The following CEMIP2 variants were observed in gnomAD, a reference collection of about 807,000 sequenced individuals.
CEMIP2 encodes the protein cell surface hyaluronidase CEMIP2.
In CEMIP2, 79 loss-of-function variants were observed where a neutral mutation model predicts 146.9. That is an observed-to-expected ratio of 0.54 (90% CI 0.45 to 0.65). CEMIP2 has a LOEUF of 0.65. CEMIP2 is among the 30% of genes least tolerant of loss of function. CEMIP2 has a pLI of 0.00. For missense variants in CEMIP2, 1,596 were observed against 1,696.2 expected, an observed-to-expected ratio of 0.94 and a Z score of 1.04; for synonymous variants, 601 against 606.3, an observed-to-expected ratio of 0.99 and a Z score of 0.13.
At chr9:71,753,028 CA>C (rs2132025710) in intron 1 of CEMIP2, among the ~76,000 whole-genome samples, 1 of 18,474 alleles carries the variant, frequency 5.4e-5, no homozygotes, top group African/African-American at 2.4e-4. Context: ...CTGCATGTGC[CA>C]AGCAGCAGAC....
chr9:71,692,336 A>T (rs1046948787), intron 21 of CEMIP2, among the ~76,000 whole-genome samples: 1 of 44,278 alleles, frequency 2.3e-5, no homozygotes, highest in African/African-American at 1.2e-4. Flanking sequence ...CGCTCTCCCC[A>T]TCTCTCTCTC....
chr9:71,722,493 C>A lies in CEMIP2; in HGVS notation c.2201G>T (p.Gly734Val). 6.2e-7 allele frequency: 1 copy of A among 1,613,282 alleles called. No individual in the cohort carries two copies. The highest frequency in any genetic ancestry group is 1.1e-5 in the South Asian group (1 of 91,000). The change falls in exon 12 of 24, where the codon GGT (glycine) becomes GTT (valine). Residue 734 changes from glycine to valine, a missense_variant. Coordinates refer to ENST00000377044, the MANE Select transcript of CEMIP2 (RefSeq NM_013390.3). ...AGCACTAGAGTTGGTTGTTTTGACACCTTTGTCAATAAATAAGCCAGCCTG... is the reference window on the plus strand; with the variant it reads ...AGCACTAGAGTTGGTTGTTTTGACAACTTTGTCAATAAATAAGCCAGCCTG... ...NFKAGLFIDKGVKTTNSSAAD... is the reference protein window; with the variant it reads ...NFKAGLFIDKVVKTTNSSAAD...
chr9:71,731,154 A>C (rs1823605302), intron 7 of CEMIP2, among the ~76,000 whole-genome samples: 1 of 152,224 alleles, frequency 6.6e-6, no homozygotes, highest in African/African-American at 2.4e-5. Flanking sequence ...TGTAATCAGG[A>C]AAGCTGCAAT....
chr9:71,693,899 C>G (rs1822305893), intron 21 of CEMIP2, among the ~76,000 whole-genome samples: 1 of 152,168 alleles, frequency 6.6e-6, no homozygotes, highest in Non-Finnish European at 1.5e-5. Flanking sequence ...GATCAGGACA[C>G]AACAGTGTAA....
chr9:71,751,902 G>A (rs1253061729), intron 1 of CEMIP2, among the ~76,000 whole-genome samples: 3 of 152,118 alleles, frequency 2.0e-5, no homozygotes, highest in African/African-American at 7.2e-5. Flanking sequence ...TTCATTTAGT[G>A]AGAAAGTCTA....
intron 10 of CEMIP2, among the ~76,000 whole-genome samples, chr9:71,728,263 ATATATATATATATATATG>A (rs1823474108): frequency 9.5e-5 from 1 of 10,554 alleles, no homozygotes; most frequent in African/African-American, 2.1e-4. Flanking sequence ...ATATACACGT[ATATATATATATATATATG>A]TATATATATA....
At chr9:71,755,346 T>TACACACAC (rs34581447) in intron 1 of CEMIP2, among the ~76,000 whole-genome samples, 1,969 of 134,888 alleles carry the variant, frequency 0.015, 35 homozygotes, top group South Asian at 0.048. Flanking sequence ...ACCCTGTCTC[T>TACACACAC]ACACACACAC....
chr9:71,753,623 T>C (rs2132026820), intron 1 of CEMIP2, among the ~76,000 whole-genome samples: 1 of 152,292 alleles, frequency 6.6e-6, no homozygotes, highest in South Asian at 2.1e-4. Flanking sequence ...AATATAGTGT[T>C]GCACCATGTA....
rs138210065 is a variant in CEMIP2, at chr9:71,724,985, T to C, written c.2178+596A>G. Among the ~76,000 whole-genome samples, 22 of 151,798 alleles carry C rather than the reference T, an allele frequency of 1.4e-4. No individual in the cohort carries two copies. The East Asian group carries it at 3.7e-3, about 25-fold the overall frequency. On this transcript the variant is annotated intron_variant, in intron 11 of 23. Coordinates refer to ENST00000377044, the MANE Select transcript of CEMIP2 (RefSeq NM_013390.3). ...ATGAGGACACATGAATCAAATCCAT[T>C]ATGTAATTATTCAGGTTACACGTGC...
At chr9:71,721,076 C>T (rs1485078994) in intron 12 of CEMIP2, among the ~76,000 whole-genome samples, 7 of 151,866 alleles carry the variant, frequency 4.6e-5, no homozygotes, top group Non-Finnish European at 1.0e-4. Flanking sequence ...ATACACATTA[C>T]TATAAATATA....
chr9:71,743,924 G>A (rs1215113311), intron 4 of CEMIP2, among the ~76,000 whole-genome samples: 5 of 151,856 alleles, frequency 3.3e-5, no homozygotes, highest in South Asian at 2.1e-4. Flanking sequence ...ACGGCATGTC[G>A]GTTTTGAGGT....
chr9:71,690,149 A>T lies in CEMIP2; in HGVS notation c.3794T>A (p.Phe1265Tyr). 1 of 1,614,214 alleles carries T rather than the reference A, an allele frequency of 6.2e-7. No individual in the cohort carries two copies. The highest frequency in any genetic ancestry group is 8.5e-7 in the Non-Finnish European group (1 of 1,180,024). The change falls in exon 22 of 24, where the codon TTT becomes TAT. Residue 1265 changes from phenylalanine (F) to tyrosine (Y), a missense_variant. Transcript: ENST00000377044. ...AATGCGACTGACATCAGCAAGAGGA[A>T]AAACCGTTTTTTCCGTCAAGCGGAA... ...VPFRLTEKTV[F>Y]PLADVSRIEE...
In CEMIP2 at chr9:71,697,985, C is replaced by CACAGCCT; in HGVS notation, c.3596_3597insAGGCTGT (p.Val1200GlyfsTer7). The CACAGCCT allele has an allele frequency of 6.2e-7, 1 of 1,612,788 alleles. No individual in the cohort carries two copies. Among genetic ancestry groups the CACAGCCT allele is most frequent in the Non-Finnish European group, 8.5e-7 (1 of 1,179,338 alleles). On this transcript the variant is annotated frameshift_variant and splice_region_variant, in exon 20 of 24. Transcript: ENST00000377044. LOFTEE classifies it high-confidence loss of function. ...CAGACCACTTTTCATCCTTGTTTACCTGCCGAGTGCCACAGCCTTGACAGA... is the reference window on the plus strand; with the variant it reads ...CAGACCACTTTTCATCCTTGTTTACCACAGCCTTGCCGAGTGCCACAGCCTTGACAGA...
At chr9:71,701,553 C>A (rs1822562790) in intron 18 of CEMIP2, among the ~76,000 whole-genome samples, 1 of 152,086 alleles carries the variant, frequency 6.6e-6, no homozygotes, top group East Asian at 1.9e-4. Context: ...GAGAGTGGAA[C>A]TGTACATTGG....
rs767394200 is a variant in CEMIP2, at chr9:71,732,478, A to G, written c.1436T>C (p.Val479Ala). The change falls in exon 7 of 24, where the codon GTA becomes GCA. Residue 479 changes from valine to alanine, a missense_variant. Transcript: ENST00000377044. The part of the protein sequence containing the change: ...FLHMGEIIDG[V>A]DMRAEVGILT... ...AATTCCAACCTCAGCTCTCATGTCTACACCGTCTATGATCTCACCCATGTG... is the reference window on the plus strand; with the variant it reads ...AATTCCAACCTCAGCTCTCATGTCTGCACCGTCTATGATCTCACCCATGTG... 1.2e-6 allele frequency: 2 copies of G among 1,613,878 alleles called. No individual in the cohort carries two copies. The highest frequency in any genetic ancestry group is 4.5e-5 in the East Asian group (2 of 44,856).
intron 15 of CEMIP2, among the ~76,000 whole-genome samples, chr9:71,714,524 C>T (rs1822994255): frequency 6.6e-6 from 1 of 151,984 alleles, no homozygotes; most frequent in Non-Finnish European, 1.5e-5. Context: ...TTCCTTTTTC[C>T]AGTAGTTATT....
chr9:71,706,816 A>G (rs1188383841), intron 17 of CEMIP2, among the ~76,000 whole-genome samples: 1 of 149,674 alleles, frequency 6.7e-6, no homozygotes, highest in East Asian at 2.0e-4. Context: ...AAAGCTTATT[A>G]TTTATTTATT....
At chr9:71,727,794 C>T (rs1422205962) in intron 10 of CEMIP2, among the ~76,000 whole-genome samples, 1 of 152,194 alleles carries the variant, frequency 6.6e-6, no homozygotes, top group Non-Finnish European at 1.5e-5. Flanking sequence ...GGTACGGTGG[C>T]TCATGCCTGT....
intron 8 of CEMIP2, 67 bp downstream of exon 8, chr9:71,730,638 A>T: frequency 6.7e-7 from 1 of 1,497,788 alleles, no homozygotes. Context: ...AAAATTGAGA[A>T]GACATGAGAA....
Sources: allele counts gnomAD v4.1 joint callset (sites outside exome capture counted in the v4.1 genomes callset), GRCh38; gene constraint gnomAD v4.1.1; transcripts MANE v1.5; gene names NCBI Gene and HGNC (gene_info 2026-07-23, HGNC 2026-07-21).